Variants in CDH13 observed in about 807,000 individuals in gnomAD.
The protein encoded by CDH13 is cadherin 13.
A neutral mutation model predicts 63.8 loss-of-function variants in CDH13; 24 were observed. The ratio of observed to expected loss-of-function variants is 0.38; its 90% CI spans 0.27 to 0.53. The LOEUF is 0.53. Ranked by LOEUF, CDH13 falls within the 20% of genes least tolerant of loss-of-function variation. The pLI, the probability that CDH13 is intolerant of heterozygous loss-of-function variation, is 0.85. For missense variants in CDH13, 1,049 were observed against 903.1 expected (o/e 1.16, Z -2.07); for synonymous variants, 503 against 355.3 (o/e 1.42, Z -4.67).
chr16:83,162,817 G>C (rs1177651176), intron 4 of CDH13, among the ~76,000 whole-genome samples: 1 of 152,102 alleles, frequency 6.6e-6, no homozygotes, highest in Non-Finnish European at 1.5e-5. Context: ...ACAGTCTGTA[G>C]GCCACCCTTG....
intron 2 of CDH13, among the ~76,000 whole-genome samples, chr16:82,859,888 A>T (rs779363782): frequency 4.6e-5 from 7 of 152,214 alleles, no homozygotes. Flanking sequence ...AATGACGCCA[A>T]TGAAATCATT....
chr16:83,699,650 C>T lies in CDH13; in HGVS notation c.1538+21189C>T, dbSNP rs538826351. On this transcript the variant is annotated intron_variant, in intron 10 of 13. Coordinates refer to ENST00000567109, the MANE Select transcript of CDH13 (RefSeq NM_001257.5). ...ATGCACACACACGTGTATGTGCACA[C>T]GCACATACACACACACTCACTGTCA... 8.6e-5 allele frequency among the ~76,000 whole-genome samples: 13 copies of T among 151,916 alleles called. No homozygotes were observed. The East Asian group carries it at 1.4e-3, about 16-fold the overall frequency.
chr16:83,500,826 C>T (rs950601812), intron 7 of CDH13, among the ~76,000 whole-genome samples: 5 of 151,790 alleles, frequency 3.3e-5, no homozygotes, highest in Non-Finnish European at 5.9e-5. Flanking sequence ...GCGATCCACC[C>T]GCCTCGGCCT....
At chr16:83,737,988 T>C (rs754345682) in intron 10 of CDH13, among the ~76,000 whole-genome samples, 2 of 152,202 alleles carry the variant, frequency 1.3e-5, no homozygotes, top group Non-Finnish European at 2.9e-5. Flanking sequence ...CAGTAATGTA[T>C]ATGAATACAT....
At chr16:83,271,454 T>TAAAA (rs2088810570) in intron 5 of CDH13, among the ~76,000 whole-genome samples, 1 of 17,124 alleles carries the variant, frequency 5.8e-5, no homozygotes, top group Non-Finnish European at 1.8e-4. Context: ...AAAAAAAAAT[T>TAAAA]CATGGTTGCT....
intron 7 of CDH13, among the ~76,000 whole-genome samples, chr16:83,511,419 G>T (rs147904462): frequency 6.6e-6 from 1 of 151,380 alleles, no homozygotes; most frequent in Non-Finnish European, 1.5e-5. Context: ...CTGAGATCAC[G>T]CCACTGCACA....
At chr16:83,398,303 G>C (rs1000769791) in intron 6 of CDH13, 2 of 152,244 alleles carry the variant, frequency 1.3e-5, no homozygotes, top group African/African-American at 2.4e-5. Flanking sequence ...TCCAGGGGAG[G>C]ATCCTTCCTT....
intron 10 of CDH13, among the ~76,000 whole-genome samples, chr16:83,695,870 C>T (rs370252998): frequency 3.3e-5 from 5 of 151,950 alleles, no homozygotes; most frequent in African/African-American, 1.2e-4. Flanking sequence ...GAATTCAAAT[C>T]CAGATATATT....
At chr16:82,638,747 T>C (rs552970743) in intron 1 of CDH13, among the ~76,000 whole-genome samples, 18 of 152,186 alleles carry the variant, frequency 1.2e-4, no homozygotes, top group Non-Finnish European at 8.8e-5. Context: ...ATAAAATCAT[T>C]TGATCTGGTG....
intron 7 of CDH13, among the ~76,000 whole-genome samples, chr16:83,590,264 C>T (rs1252784778): frequency 6.6e-6 from 1 of 152,040 alleles, no homozygotes; most frequent in Non-Finnish European, 1.5e-5. Flanking sequence ...GAAGCTGTTG[C>T]ATAAGTCAAG....
In CDH13 at chr16:83,486,464, C is replaced by A. The variant is rs746357809; in HGVS notation, c.782-13C>A. On this transcript the variant is annotated splice_polypyrimidine_tract_variant and intron_variant, in intron 6 of 13. Coordinates refer to ENST00000567109, the MANE Select transcript of CDH13 (RefSeq NM_001257.5). ...TGATAACCATTCCGTGCCTTTCTGTCTTGCCCCGGTAGGCACCACAGTGAT... is the reference window on the plus strand; with the variant it reads ...TGATAACCATTCCGTGCCTTTCTGTATTGCCCCGGTAGGCACCACAGTGAT... 8 of 1,608,400 alleles carry A rather than the reference C, an allele frequency of 5.0e-6. No homozygotes were observed. The Admixed American group carries it at 1.3e-4, about 27-fold the overall frequency.
At chr16:83,003,404 T>G (rs1913147560) in intron 2 of CDH13, among the ~76,000 whole-genome samples, 1 of 152,136 alleles carries the variant, frequency 6.6e-6, no homozygotes, top group African/African-American at 2.4e-5. Context: ...TTTTTTAATT[T>G]TCTATCTCAA....
rs373359175 is a variant in CDH13 at position 82,642,091 on chromosome 16, CAA to C, written c.45+14974_45+14975del. ...AATGAAACTAACAGCTCATGGAGGG[CAA>C]AAAAAAAAAAAAAAAAAAAGTGGTG... On this transcript the variant is annotated intron_variant, in intron 1 of 13. Coordinates refer to ENST00000567109, the MANE Select transcript of CDH13 (RefSeq NM_001257.5). 5.5e-3 allele frequency among the ~76,000 whole-genome samples: 604 copies of C among 110,422 alleles called. 2 individuals carry two copies. The highest frequency in any genetic ancestry group is 0.019 in the African/African-American group (537 of 27,952). 72.4% of individuals were successfully genotyped at this position (110,422 alleles called of 152,430 possible). A position where few individuals can be genotyped will look rare whatever the true frequency, so the allele number is the denominator to read the frequency against.
chr16:82,661,203 T>C (rs80124603), intron 1 of CDH13, among the ~76,000 whole-genome samples: 5,742 of 152,298 alleles, frequency 0.038, 143 homozygotes, highest in Non-Finnish European at 0.058. Context: ...GAGGTTGGCT[T>C]CAAGCTCTCC....
chr16:82,892,015 C>G (rs533226077), intron 2 of CDH13, among the ~76,000 whole-genome samples: 1 of 152,278 alleles, frequency 6.6e-6, no homozygotes, highest in East Asian at 1.9e-4. Context: ...AGGTTGAAAG[C>G]TCAGACTGCT....
intron 6 of CDH13, among the ~76,000 whole-genome samples, chr16:83,447,096 C>CTTTTTTTTTTTTTTTT (rs750432481): frequency 0.017 from 698 of 41,464 alleles, 157 homozygotes; most frequent in Non-Finnish European, 0.027. Context: ...TTATAGTAAC[C>CTTTTTTTTTTTTTTTT]TTTTTTTTTT....
intron 6 of CDH13, among the ~76,000 whole-genome samples, chr16:83,453,328 G>C (rs905420777): frequency 2.6e-5 from 4 of 151,408 alleles, no homozygotes; most frequent in African/African-American, 9.7e-5. Context: ...AACTTGCTCA[G>C]GTAACCAAAT....
intron 2 of CDH13, among the ~76,000 whole-genome samples, chr16:83,015,631 A>T (rs1317255045): frequency 1.5e-5 from 2 of 133,166 alleles, no homozygotes; most frequent in Non-Finnish European, 3.1e-5. Context: ...AGTTGTGGGG[A>T]CCATATGCTT....
intron 1 of CDH13, among the ~76,000 whole-genome samples, chr16:82,841,086 G>T (rs754589421): frequency 6.6e-6 from 1 of 152,244 alleles, no homozygotes; most frequent in African/African-American, 2.4e-5. Flanking sequence ...TGCATGGCCT[G>T]TGGACATCTA....
Sources: allele counts gnomAD v4.1 joint callset (sites outside exome capture counted in the v4.1 genomes callset), GRCh38; gene constraint gnomAD v4.1.1; transcripts MANE v1.5; gene names NCBI Gene and HGNC (gene_info 2026-07-23, HGNC 2026-07-21).